SLC12A5: variants seen among roughly 807,000 people sequenced by gnomAD.
The protein encoded by SLC12A5 is K-Cl cotransporter 2.
A neutral mutation model predicts 124.0 loss-of-function variants in SLC12A5; 18 were observed. The ratio of observed to expected loss-of-function variants is 0.15; its 90% CI spans 0.10 to 0.22. SLC12A5 has a LOEUF of 0.22. Ranked by LOEUF, SLC12A5 falls within the 10% of genes least tolerant of loss-of-function variation. The probability of loss-of-function intolerance (pLI) is 1.00; values close to 1 mark genes in which losing one functional copy is unlikely to be tolerated. For synonymous variants in SLC12A5, 589 were observed against 568.0 expected (o/e 1.04, Z -0.53); for missense variants, 867 against 1,478.7 (o/e 0.59, Z 6.78).
intron 3 of SLC12A5, 85 bp from the exon 4 acceptor site, chr20:46,035,692 G>T: frequency 6.5e-7 from 1 of 1,534,330 alleles, no homozygotes; most frequent in Non-Finnish European, 8.8e-7. Flanking sequence ...GAGGAAGGTG[G>T]GGGCAGAGAA....
chr20:46,028,351 G>T (rs2084416265), upstream of SLC12A5, among the ~76,000 whole-genome samples: 1 of 152,136 alleles, frequency 6.6e-6, no homozygotes, highest in Non-Finnish European at 1.5e-5. Context: ...CTGATGGAAA[G>T]TCAGTGCTCC....
Position 46,053,546 on chromosome 20 carries a change from G to A in SLC12A5, c.2548-32G>A, listed in dbSNP as rs769011188. On this transcript the variant is annotated intron_variant, in intron 19 of 25. Coordinates refer to ENST00000243964, the MANE Select transcript of SLC12A5 (RefSeq NM_020708.5). This position sits in a 1 kb window ranked among gnomAD's most constrained non-coding sequence, Gnocchi z 4.7. ...TGGATCTCCTCATCACATCTGGGCT[G>A]GACCTTTCTGAATCCCCTTCATCGC... is the stretch of plus-strand genomic sequence containing the variant. The A allele has an allele frequency of 5.6e-5, 90 of 1,611,892 alleles. No individual in the cohort carries two copies. In the Middle Eastern group the frequency reaches 6.6e-4, roughly 12 times the overall value.
Position 46,045,074 on chromosome 20 carries a change from G to A in SLC12A5, c.1503G>A (p.Gln501=). The A allele has an allele frequency of 6.2e-7, 1 of 1,613,502 alleles. No individual in the cohort carries two copies. The highest frequency in any genetic ancestry group is 8.5e-7 in the Non-Finnish European group (1 of 1,179,706). The stretch of plus-strand genomic sequence containing the variant: ...TCTCCACCTGTGGGGCTGGGCTGCA[G>A]AGCCTCACGGGGGCCCCACGCCTGC... ...SFFSTCGAGL[Q]SLTGAPRLLQ... is the part of the protein sequence containing the mutation. The change falls in exon 12 of 26, where the codon CAG becomes CAA. Residue 501 remains glutamine, a synonymous_variant. Transcript: ENST00000243964. The surrounding 1 kb of genome is among the most constrained non-coding windows in gnomAD (Gnocchi z 4.9).
rs1404140155 is a variant in SLC12A5, at chr20:46,057,072, C to T, written c.3126-98C>T. ...TTGGTGGTCCTAGGCTTGCAAGAACCAGTCCCCAGCAGCCCAGTTCGGGCT... is the reference window on the plus strand; with the variant it reads ...TTGGTGGTCCTAGGCTTGCAAGAACTAGTCCCCAGCAGCCCAGTTCGGGCT... On this transcript the variant is annotated intron_variant, in intron 24 of 25. Coordinates refer to ENST00000243964, the MANE Select transcript of SLC12A5 (RefSeq NM_020708.5). This position sits in a 1 kb window ranked among gnomAD's most constrained non-coding sequence, Gnocchi z 7.1. The T allele has an allele frequency of 1.9e-6, 3 of 1,594,312 alleles. No individual in the cohort carries two copies. The highest frequency in any genetic ancestry group is 2.6e-6 in the Non-Finnish European group (3 of 1,165,572).
chr20:46,035,076 A>G, intron 2 of SLC12A5, 34 bp downstream of exon 2: 1 of 1,599,560 alleles, frequency 6.3e-7, no homozygotes, highest in Non-Finnish European at 8.6e-7. Flanking sequence ...CCCCACCTAC[A>G]ATTCATTATC....
intron 18 of SLC12A5, among the ~76,000 whole-genome samples, chr20:46,052,507 A>T (rs540860281): frequency 1.3e-4 from 20 of 152,234 alleles, no homozygotes; most frequent in Admixed American, 2.6e-4. Context: ...TGAGCTGGGC[A>T]ACCTGGCAAA....
In SLC12A5 at chr20:46,053,622, G is replaced by A. The variant is rs2084664844; in HGVS notation, c.2592G>A (p.Met864Ile). 6.2e-7 allele frequency: 1 copy of A among 1,613,884 alleles called. No homozygotes were observed. Among genetic ancestry groups the A allele is most frequent in the Non-Finnish European group, 8.5e-7 (1 of 1,179,908 alleles). The change falls in exon 20 of 26, where the codon ATG becomes ATA. Residue 864 changes from methionine to isoleucine, a missense_variant. Coordinates refer to ENST00000243964, the MANE Select transcript of SLC12A5 (RefSeq NM_020708.5). The surrounding 1 kb of genome is among the most constrained non-coding windows in gnomAD (Gnocchi z 4.7). ...TGCGTATCTTCACTGTGGCCCAGAT[G>A]GATGACAATAGCATCCAGATGAAGA... is the stretch of plus-strand genomic sequence containing the variant. ...CKMRIFTVAQ[M>I]DDNSIQMKKD...
At chr20:46,032,029 A>G (rs930216830) in intron 1 of SLC12A5, among the ~76,000 whole-genome samples, 6 of 152,250 alleles carry the variant, frequency 3.9e-5, no homozygotes, top group African/African-American at 1.2e-4. Context: ...CGTCCCGCCC[A>G]GGCAGCTACT....
At chr20:46,029,126 T>A (rs1388633470), upstream of SLC12A5, 4 of 1,311,368 alleles carry the variant, frequency 3.1e-6, no homozygotes, top group South Asian at 7.4e-5. Flanking sequence ...GCATACGGGA[T>A]GAGGTGAGCA....
chr20:46,037,230 C>A, intron 5 of SLC12A5, 25 bp from the exon 6 acceptor site: 1 of 1,578,760 alleles, frequency 6.3e-7, no homozygotes, highest in Non-Finnish European at 8.6e-7. Flanking sequence ...CCGACCCTCT[C>A]GCTGATACCA....
At chr20:46,031,714 C>T (rs1230413096) in intron 1 of SLC12A5, among the ~76,000 whole-genome samples, 5 of 152,204 alleles carry the variant, frequency 3.3e-5, no homozygotes, top group Admixed American at 6.5e-5. Context: ...CGCCGCTCGC[C>T]TGTTTCCTCC....
chr20:46,043,227 G>T lies in SLC12A5; in HGVS notation c.1141G>T (p.Asp381Tyr). Reference protein sequence around the residue: ...RSGMTSVGLADGTPIDMDHPY... With the variant: ...RSGMTSVGLAYGTPIDMDHPY... ...TGGGATGACCTCGGTGGGCCTGGCC[G>T]ATGGCACTCCTATCGACATGGACCA... Residue 381 changes from aspartate (D) to tyrosine (Y), a missense_variant, in exon 9 of 26, where the codon GAT becomes TAT. Asp to Tyr is a radical substitution (Grantham distance 160, BLOSUM62 -3). Transcript: ENST00000243964. 6.2e-7 allele frequency: 1 copy of T among 1,613,784 alleles called. No homozygotes were observed. The highest frequency in any genetic ancestry group is 8.5e-7 in the Non-Finnish European group (1 of 1,179,942).
chr20:46,048,073 C>T lies in SLC12A5; in HGVS notation c.2000C>T (p.Thr667Ile), dbSNP rs767435084. ...CGCCTGGAGGAAGGGCCCCCACACA[C>T]CAAGAACTGGAGGTTAGTGGTGAGG... ...LLRLEEGPPHTKNWRPQLLVL... is the reference protein window; with the variant it reads ...LLRLEEGPPHIKNWRPQLLVL... Residue 667 changes from threonine to isoleucine, a missense_variant, in exon 16 of 26, where the codon ACC (threonine) becomes ATC (isoleucine). Coordinates refer to ENST00000243964, the MANE Select transcript of SLC12A5 (RefSeq NM_020708.5). 3.7e-6 allele frequency: 6 copies of T among 1,611,950 alleles called. No homozygotes were observed. Among genetic ancestry groups the T allele is most frequent in the Non-Finnish European group, 4.2e-6 (5 of 1,178,976 alleles).
At chr20:46,043,005 T>C in intron 8 of SLC12A5, 148 bp from the exon 9 acceptor site, 3 of 796,872 alleles carry the variant, frequency 3.8e-6, no homozygotes, top group South Asian at 1.7e-5. Flanking sequence ...GCTTAGGAAA[T>C]GTCAGTGGAA....
At chr20:46,034,832 A>AT in intron 1 of SLC12A5, 116 bp from the exon 2 acceptor site, 1 of 906,330 alleles carries the variant, frequency 1.1e-6, no homozygotes, top group South Asian at 1.4e-5. Context: ...TATTAGCCCC[A>AT]TTTTCCCAAT....
In SLC12A5 at chr20:46,035,102, C is replaced by T. The variant is rs749138055; in HGVS notation, c.147+60C>T. On this transcript the variant is annotated intron_variant, in intron 2 of 25. Transcript: ENST00000243964. ...ATTCATTATCCTGATTCATCAGCTG[C>T]TCTCTCCCTCCCTCCCTAGGGAGCA... 13 of 1,538,714 alleles carry T rather than the reference C, an allele frequency of 8.4e-6. No homozygotes were observed. In the Admixed American group the frequency reaches 1.3e-4, roughly 16 times the overall value.
At chr20:46,048,594 G>A (rs182908345) in intron 16 of SLC12A5, among the ~76,000 whole-genome samples, 1 of 152,220 alleles carries the variant, frequency 6.6e-6, no homozygotes, top group Admixed American at 6.5e-5. Context: ...CAGGGATGCC[G>A]AGCGCGGTGG....
intron 14 of SLC12A5, 140 bp from the exon 15 acceptor site, chr20:46,047,314 T>C: frequency 9.5e-7 from 1 of 1,047,246 alleles, no homozygotes; most frequent in Non-Finnish European, 1.4e-6. Flanking sequence ...ATGGGGATGA[T>C]GGTGTGAGTT....
In SLC12A5 at chr20:46,041,421, G is replaced by A. The variant is rs144471748; in HGVS notation, c.947G>A (p.Arg316Gln). ...AWEGNETVTTRLWGLFCSSRF... is the reference protein window; with the variant it reads ...AWEGNETVTTQLWGLFCSSRF... ...GAAGGAAATGAGACGGTGACCACACGGCTATGGGGCCTTTTCTGCTCCTCT... is the reference window on the plus strand; with the variant it reads ...GAAGGAAATGAGACGGTGACCACACAGCTATGGGGCCTTTTCTGCTCCTCT... Residue 316 changes from arginine to glutamine, a missense_variant, in exon 8 of 26, where the codon CGG (arginine) becomes CAG (glutamine). This residue lies in a region of SLC12A5 where 127 missense variants were observed against 164.1 expected (regional missense o/e 0.77). Coordinates refer to ENST00000243964, the MANE Select transcript of SLC12A5 (RefSeq NM_020708.5). 2.0e-5 allele frequency: 33 copies of A among 1,614,122 alleles called. No individual in the cohort carries two copies. The highest frequency in any genetic ancestry group is 2.0e-4 in the African/African-American group (15 of 75,024).
Sources: gnomAD v4.1 joint callset for allele counts (sites outside exome capture counted in the v4.1 genomes callset) on GRCh38, gnomAD v4.1.1 for gene constraint, gnomAD v4.1.1 regional missense constraint, Gnocchi (gnomAD v3.1) non-coding constraint, MANE v1.5 for transcripts, NCBI Gene and HGNC (gene_info 2026-07-23, HGNC 2026-07-21) for gene names.